STAG1: variants seen among roughly 807,000 people sequenced by gnomAD.
STAG1 encodes STAG1 cohesin complex component.
STAG1 carries 26 observed loss-of-function variants against 170.9 expected under a neutral mutation model. The ratio of observed to expected loss-of-function variants is 0.15; its 90% CI spans 0.11 to 0.21. STAG1 has a LOEUF of 0.21. STAG1 is among the 10% of genes least tolerant of loss of function. The pLI is 1.00. For synonymous variants in STAG1, 514 were observed against 497.7 expected (o/e 1.03, Z -0.44); for missense variants, 964 against 1,509.5 (o/e 0.64, Z 5.99).
rs114855488 is a variant in STAG1 at position 136,624,940 on chromosome 3, G to A, written c.30-1692C>T. On this transcript the variant is annotated intron_variant, in intron 2 of 33. Transcript: ENST00000383202. ...ATAATTAGGAAGTGATGAATTTTGA[G>A]TATTTACTATTTTTATTTTTCATAT... Among the ~76,000 whole-genome samples the A allele has an allele frequency of 3.6e-3, 541 of 152,156 alleles. 7 individuals are homozygous for A. Among genetic ancestry groups the A allele is most frequent in the African/African-American group, 0.012 (517 of 41,520 alleles).
At chr3:136,405,541 C>T (rs2087456938) in intron 21 of STAG1, among the ~76,000 whole-genome samples, 1 of 151,552 alleles carries the variant, frequency 6.6e-6, no homozygotes, top group Admixed American at 6.6e-5. Flanking sequence ...CGCGTCCAGC[C>T]TCAACATCTT....
chr3:136,504,068 G>A (rs944985663), intron 7 of STAG1, among the ~76,000 whole-genome samples: 2 of 152,070 alleles, frequency 1.3e-5, no homozygotes, highest in Non-Finnish European at 1.5e-5. Context: ...GTAAACATAT[G>A]TGTTTTCTAA....
At chr3:136,471,272 TATAAC>T (rs2089621214) in intron 12 of STAG1, among the ~76,000 whole-genome samples, 1 of 152,180 alleles carries the variant, frequency 6.6e-6, no homozygotes, top group African/African-American at 2.4e-5. Flanking sequence ...GCATAAGTGA[TATAAC>T]ATAGCAAAGT....
chr3:136,667,364 A>G (rs1941820369), intron 1 of STAG1, among the ~76,000 whole-genome samples: 1 of 152,188 alleles, frequency 6.6e-6, no homozygotes, highest in African/African-American at 2.4e-5. Context: ...CCTAGACAAC[A>G]TAGCAAAACC....
intron 1 of STAG1, among the ~76,000 whole-genome samples, chr3:136,710,186 C>T (rs1943343775): frequency 6.6e-6 from 1 of 152,104 alleles, no homozygotes; most frequent in Non-Finnish European, 1.5e-5. Flanking sequence ...GTTCTTTTTC[C>T]TTCCTTTCTG....
At chr3:136,654,422 T>C (rs539514653) in intron 1 of STAG1, among the ~76,000 whole-genome samples, 63 of 152,292 alleles carry the variant, frequency 4.1e-4, no homozygotes, top group East Asian at 4.0e-3. Context: ...TGTTAATGAA[T>C]AACTTAACCA....
chr3:136,671,236 A>C (rs1321208917), intron 1 of STAG1, among the ~76,000 whole-genome samples: 1 of 152,128 alleles, frequency 6.6e-6, no homozygotes, highest in Non-Finnish European at 1.5e-5. Context: ...GTGAGCCAAG[A>C]CTGCGCCACC....
chr3:136,427,812 A>C (rs1324541953), intron 16 of STAG1, among the ~76,000 whole-genome samples: 2 of 152,208 alleles, frequency 1.3e-5, no homozygotes, highest in Non-Finnish European at 2.9e-5. Context: ...ACCTATACTC[A>C]TATGATTTTA....
chr3:136,477,581 C>T (rs184346533), intron 9 of STAG1, among the ~76,000 whole-genome samples, 169 bp from the exon 10 acceptor site: 1 of 152,074 alleles, frequency 6.6e-6, no homozygotes, highest in Admixed American at 6.6e-5. Flanking sequence ...ATAAAATAAA[C>T]ACTAATAATA....
chr3:136,495,966 G>A (rs1482946119), intron 9 of STAG1, among the ~76,000 whole-genome samples: 10 of 107,040 alleles, frequency 9.3e-5, no homozygotes, highest in Non-Finnish European at 1.8e-4. Context: ...GCAAGACTCC[G>A]TCTCAAAAAA....
chr3:136,521,837 T>A (rs983259981), intron 6 of STAG1, among the ~76,000 whole-genome samples: 36 of 152,304 alleles, frequency 2.4e-4, no homozygotes, highest in African/African-American at 8.4e-4. Context: ...TAAATTGAAT[T>A]TTTAAGAAGT....
chr3:136,437,444 A>T (rs1034023881), intron 15 of STAG1, among the ~76,000 whole-genome samples: 1 of 152,240 alleles, frequency 6.6e-6, no homozygotes, highest in African/African-American at 2.4e-5. Flanking sequence ...ACTGAAACAA[A>T]TGGGTAGCTG....
At chr3:136,467,778 A>T (rs2089509880) in intron 12 of STAG1, among the ~76,000 whole-genome samples, 1 of 152,170 alleles carries the variant, frequency 6.6e-6, no homozygotes. Flanking sequence ...TCCTCAGCAA[A>T]TGTAAAAGAA....
chr3:136,526,881 G>C (rs1187125695), intron 6 of STAG1, among the ~76,000 whole-genome samples: 3 of 152,178 alleles, frequency 2.0e-5, no homozygotes, highest in African/African-American at 7.2e-5. Flanking sequence ...TGAAATTCTG[G>C]GTTGAAAATT....
chr3:136,681,468 C>T (rs1942333339), intron 1 of STAG1, among the ~76,000 whole-genome samples: 1 of 152,122 alleles, frequency 6.6e-6, no homozygotes, highest in Non-Finnish European at 1.5e-5. Flanking sequence ...TCCCTTAACT[C>T]AGGCACAATC....
intron 14 of STAG1, among the ~76,000 whole-genome samples, chr3:136,447,338 G>A (rs564812434): frequency 3.3e-5 from 5 of 151,756 alleles, no homozygotes; most frequent in South Asian, 4.2e-4. Context: ...GTGTGGTGGC[G>A]CGTGCCTGCA....
At chr3:136,460,690 C>A (rs28889583) in intron 13 of STAG1, among the ~76,000 whole-genome samples, 40,715 of 146,740 alleles carry the variant, frequency 0.28, 5,971 homozygotes, top group Non-Finnish European at 0.34. Flanking sequence ...TCTCCCCCCC[C>A]AAAAAAAAAA....
intron 3 of STAG1, among the ~76,000 whole-genome samples, chr3:136,620,227 A>G (rs1311283091): frequency 7.7e-6 from 1 of 129,680 alleles, no homozygotes; most frequent in East Asian, 1.9e-4. Context: ...TAAAAGGATT[A>G]AACTTAAAAA....
intron 9 of STAG1, among the ~76,000 whole-genome samples, chr3:136,495,999 C>T (rs1396114497): frequency 2.0e-5 from 3 of 146,746 alleles, no homozygotes; most frequent in Non-Finnish European, 4.5e-5. Flanking sequence ...AAAAAATTAG[C>T]TGGGCGTGGT....
Sources: gnomAD v4.1 joint callset for allele counts (sites outside exome capture counted in the v4.1 genomes callset) on GRCh38, gnomAD v4.1.1 for gene constraint, MANE v1.5 for transcripts, NCBI Gene and HGNC (gene_info 2026-07-23, HGNC 2026-07-21) for gene names.